Variants in ASAP3 observed in about 807,000 individuals in gnomAD.
The protein encoded by ASAP3 is ArfGAP with SH3 domain, ankyrin repeat and PH domain 3, also known as arf-GAP with SH3 domain, ANK repeat and PH domain-containing protein 3.
A neutral mutation model predicts 118.2 loss-of-function variants in ASAP3; 85 were observed. The ratio of observed to expected loss-of-function variants is 0.72; its 90% CI spans 0.60 to 0.86. The LOEUF (loss-of-function observed/expected upper bound fraction) is 0.86. ASAP3 is among the 40% of genes least tolerant of loss of function. The pLI is 0.00. For missense variants in ASAP3, 1,026 were observed against 1,175.0 expected (o/e 0.87, Z 1.85); for synonymous variants, 432 against 477.4 (o/e 0.90, Z 1.24).
In ASAP3 at chr1:23,429,841, G is replaced by A. The variant is rs1445542775; in HGVS notation, c.*15C>T. 6.2e-7 allele frequency: 1 copy of A among 1,612,366 alleles called. No individual in the cohort carries two copies. Among genetic ancestry groups the A allele is most frequent in the Non-Finnish European group, 8.5e-7 (1 of 1,179,098 alleles). On this transcript the variant is annotated 3_prime_UTR_variant, in exon 25 of 25. Coordinates refer to ENST00000336689, the MANE Select transcript of ASAP3 (RefSeq NM_017707.4). Reference sequence around the variant, plus strand: ...ATTGGGGCCTAGCATGGGGCATGTGGGGGCCAGCAAGGAGCTAGTCTTGCA... The same window carrying A: ...ATTGGGGCCTAGCATGGGGCATGTGAGGGCCAGCAAGGAGCTAGTCTTGCA...
chr1:23,452,690 G>C lies in ASAP3; in HGVS notation c.423+7C>G. Reference sequence around the variant, plus strand: ...GTCCCACCACCACTCCCAGCATGGAGACTCACCTGTCGACCGTCCCTCAGC... The same window carrying C: ...GTCCCACCACCACTCCCAGCATGGACACTCACCTGTCGACCGTCCCTCAGC... On this transcript the variant is annotated splice_region_variant and intron_variant, in intron 4 of 24. Transcript: ENST00000336689. 2 of 1,613,230 alleles carry C rather than the reference G, an allele frequency of 1.2e-6. No individual in the cohort carries two copies. The highest frequency in any genetic ancestry group is 2.2e-5 in the East Asian group (1 of 44,860).
chr1:23,430,881 C>A (rs1243916903), intron 24 of ASAP3, among the ~76,000 whole-genome samples, 154 bp downstream of exon 24: 2 of 152,192 alleles, frequency 1.3e-5, no homozygotes, highest in Non-Finnish European at 2.9e-5. Flanking sequence ...CCCACCTGGG[C>A]ACCAGGACAG....
Position 23,441,188 on chromosome 1 carries a change from T to G in ASAP3, c.858A>C (p.Ser286=). 6.2e-7 allele frequency: 1 copy of G among 1,614,202 alleles called. No homozygotes were observed. The highest frequency in any genetic ancestry group is 8.5e-7 in the Non-Finnish European group (1 of 1,180,044). The part of the protein sequence containing the change: ...SREEHLSRKN[S]GCGYSIHQHQ... Reference sequence around the variant, plus strand: ...GCTGGTGGATGCTATAGCCACATCCTGAGTTCTTCCGGCTCAGGTGTTCCT... The same window carrying G: ...GCTGGTGGATGCTATAGCCACATCCGGAGTTCTTCCGGCTCAGGTGTTCCT... Residue 286 remains serine (S), a synonymous_variant, in exon 10 of 25, where the codon TCA becomes TCC. Transcript: ENST00000336689.
intron 1 of ASAP3, among the ~76,000 whole-genome samples, chr1:23,472,290 G>A (rs1361478441): frequency 6.6e-6 from 1 of 152,154 alleles, no homozygotes; most frequent in African/African-American, 2.4e-5. Flanking sequence ...GGGATTGTAG[G>A]GTGCAGCCAG....
intron 1 of ASAP3, among the ~76,000 whole-genome samples, chr1:23,459,537 A>T (rs1411121155): frequency 1.3e-5 from 2 of 152,162 alleles, no homozygotes; most frequent in East Asian, 1.9e-4. Flanking sequence ...CTCTCCAAGG[A>T]CTTTGGAATT....
chr1:23,441,695 A>G lies in ASAP3; in HGVS notation c.707T>C (p.Leu236Pro). Residue 236 changes from leucine to proline, a missense_variant, in exon 8 of 25, where the codon CTG (leucine) becomes CCG (proline). Leu to Pro is a moderately conservative substitution (Grantham distance 98, BLOSUM62 -3). Coordinates refer to ENST00000336689, the MANE Select transcript of ASAP3 (RefSeq NM_017707.4). ...FQDGWKAAQS[L>P]FPFIEKLAAS... ...CGCCAGCTTCTCGATGAAGGGGAAC[A>G]GGCTCTGGGCAGCCTTCCAGCCATC... The G allele has an allele frequency of 1.2e-6, 2 of 1,614,190 alleles. No individual in the cohort carries two copies. Among genetic ancestry groups the G allele is most frequent in the Non-Finnish European group, 1.7e-6 (2 of 1,180,032 alleles).
intron 24 of ASAP3, among the ~76,000 whole-genome samples, chr1:23,430,141 A>C (rs1399775661): frequency 1.3e-5 from 2 of 152,228 alleles, no homozygotes; most frequent in African/African-American, 4.8e-5. Flanking sequence ...CACCACAATC[A>C]CAGGCATCAA....
Position 23,435,924 on chromosome 1 carries a change from TC to T in ASAP3, c.1675del (p.Asp559ThrfsTer84). The part of the protein sequence containing the change: ...QRLWTAICNR[D>X]LLSVLEAFAN... ...AAAGGCCTCCAGTACCGACAGGAGG[TC>T]CCTGTTGCAAATGGCTGTCCAGAGT... On this transcript the variant is annotated frameshift_variant, in exon 17 of 25. Coordinates refer to ENST00000336689, the MANE Select transcript of ASAP3 (RefSeq NM_017707.4). LOFTEE classifies it high-confidence loss of function. The T allele has an allele frequency of 1.2e-6, 2 of 1,614,196 alleles. No homozygotes were observed. The highest frequency in any genetic ancestry group is 1.7e-6 in the Non-Finnish European group (2 of 1,180,034).
intron 5 of ASAP3, 42 bp from the exon 6 acceptor site, chr1:23,442,654 C>A (rs559773757): frequency 6.3e-7 from 1 of 1,596,094 alleles, no homozygotes; most frequent in East Asian, 2.3e-5. Context: ...GTCTCACCAG[C>A]CCCTATATCC....
chr1:23,472,420 C>T (rs1641990325), intron 1 of ASAP3, among the ~76,000 whole-genome samples: 1 of 152,094 alleles, frequency 6.6e-6, no homozygotes, highest in African/African-American at 2.4e-5. Flanking sequence ...AGTGATCCTC[C>T]CACCTTGGCG....
chr1:23,448,834 T>G (rs1259220826), intron 5 of ASAP3, among the ~76,000 whole-genome samples: 1 of 152,136 alleles, frequency 6.6e-6, no homozygotes, highest in African/African-American at 2.4e-5. Context: ...CATTATCCCA[T>G]TTTATAGAAG....
rs1640632841 is a variant in ASAP3 at position 23,435,905 on chromosome 1, C to T, written c.1695G>A (p.Glu565=). ...ICNRDLLSVL[E]AFANGQDFGQ... The stretch of plus-strand genomic sequence containing the variant: ...CAAAGTCCTGCCCATTGGCAAAGGC[C>T]TCCAGTACCGACAGGAGGTCCCTGT... Residue 565 remains glutamate (E), a synonymous_variant, in exon 17 of 25, where the codon GAG becomes GAA. Coordinates refer to ENST00000336689, the MANE Select transcript of ASAP3 (RefSeq NM_017707.4). 6.2e-7 allele frequency: 1 copy of T among 1,614,294 alleles called. No homozygotes were observed. The highest frequency in any genetic ancestry group is 1.3e-5 in the African/African-American group (1 of 75,072).
chr1:23,452,147 T>G (rs1242424328), intron 4 of ASAP3, among the ~76,000 whole-genome samples: 1 of 152,006 alleles, frequency 6.6e-6, no homozygotes, highest in Non-Finnish European at 1.5e-5. Context: ...GTTTGTGTGG[T>G]TAGCAGGCTG....
In ASAP3 at chr1:23,431,719, C is replaced by T; in HGVS notation, c.2523G>A (p.Glu841=). The change falls in exon 23 of 25, where the codon GAG becomes GAA. Residue 841 remains glutamate (E), a synonymous_variant. Coordinates refer to ENST00000336689, the MANE Select transcript of ASAP3 (RefSeq NM_017707.4). ...ACCTGAATCTGACGGGGAGGTACATCTCCGAAGGGGTGGTCCCGGATGTCA... is the reference window on the plus strand; with the variant it reads ...ACCTGAATCTGACGGGGAGGTACATTTCCGAAGGGGTGGTCCCGGATGTCA... ...PSLTSGTTPS[E]MYLPVRFSSE... is the part of the protein sequence containing the mutation. 2 of 1,522,172 alleles carry T rather than the reference C, an allele frequency of 1.3e-6. No individual in the cohort carries two copies. Among genetic ancestry groups the T allele is most frequent in the South Asian group, 2.7e-5 (2 of 75,284 alleles). 94.3% of individuals were successfully genotyped at this position (1,522,172 alleles called of 1,614,324 possible).
chr1:23,467,539 G>A (rs895002352), intron 1 of ASAP3, among the ~76,000 whole-genome samples: 4 of 152,170 alleles, frequency 2.6e-5, no homozygotes, highest in Non-Finnish European at 5.9e-5. Flanking sequence ...CTTAAGAGAC[G>A]AAGTCACAGA....
chr1:23,429,971 G>A (rs1052180942), intron 24 of ASAP3, 41 bp from the exon 25 acceptor site: 3 of 1,534,108 alleles, frequency 2.0e-6, no homozygotes, highest in Non-Finnish European at 2.7e-6. Context: ...CAAAGCACCT[G>A]TAACATACCA....
At chr1:23,483,056 G>C (rs1417128693) in intron 1 of ASAP3, among the ~76,000 whole-genome samples, 1 of 149,802 alleles carries the variant, frequency 6.7e-6, no homozygotes. Flanking sequence ...CTCCGAGATG[G>C]AGGGTCACCC....
chr1:23,455,602 C>G (rs1465018571), intron 3 of ASAP3, among the ~76,000 whole-genome samples: 2 of 152,192 alleles, frequency 1.3e-5, no homozygotes, highest in African/African-American at 4.8e-5. Flanking sequence ...TCCAGGGAAC[C>G]CTCCCTTGCA....
At chr1:23,482,476 C>G (rs761693815) in intron 1 of ASAP3, among the ~76,000 whole-genome samples, 7 of 151,796 alleles carry the variant, frequency 4.6e-5, no homozygotes, top group Non-Finnish European at 7.4e-5. Context: ...CAGCTGAGAT[C>G]GCACCACTGT....
Sources: gnomAD v4.1 joint callset for allele counts (sites outside exome capture counted in the v4.1 genomes callset) on GRCh38, gnomAD v4.1.1 for gene constraint, MANE v1.5 for transcripts, NCBI Gene and HGNC (gene_info 2026-07-23, HGNC 2026-07-21) for gene names.